Variants in ATXN7 observed in about 807,000 individuals in gnomAD.
ATXN7 encodes the protein ataxin 7.
A neutral mutation model predicts 70.5 loss-of-function variants in ATXN7; 12 were observed. That is an observed-to-expected ratio of 0.17 (90% CI 0.11 to 0.28). The LOEUF (loss-of-function observed/expected upper bound fraction) is 0.28, where lower values mean the gene tolerates loss of function less well. ATXN7 is among the 10% of genes least tolerant of loss of function. ATXN7 has a pLI of 1.00. For missense variants in ATXN7, 1,256 were observed against 1,131.7 expected (o/e 1.11, Z -1.58); for synonymous variants, 498 against 448.7 (o/e 1.11, Z -1.39).
At chr3:63,882,282 G>T (rs1702936412) in intron 1 of ATXN7, among the ~76,000 whole-genome samples, 1 of 152,002 alleles carries the variant, frequency 6.6e-6, no homozygotes, top group Non-Finnish European at 1.5e-5. Context: ...TATCTTGTCA[G>T]CTTGTCGTGC....
chr3:63,884,228 CACACACACACACAT>C (rs1381470886), intron 1 of ATXN7, among the ~76,000 whole-genome samples: 17 of 147,510 alleles, frequency 1.2e-4, no homozygotes, highest in Admixed American at 2.1e-4. Flanking sequence ...CACACACACA[CACACACACACACAT>C]ACTCTCACAC....
At chr3:63,994,157 A>G (rs1178708622) in intron 11 of ATXN7, among the ~76,000 whole-genome samples, 1 of 152,188 alleles carries the variant, frequency 6.6e-6, no homozygotes, top group East Asian at 1.9e-4. Context: ...GGTGACTGTA[A>G]TGTGCAACAG....
At chr3:63,881,528 G>A (rs971903783) in intron 1 of ATXN7, among the ~76,000 whole-genome samples, 6 of 141,602 alleles carry the variant, frequency 4.2e-5, no homozygotes, top group Non-Finnish European at 9.0e-5. Context: ...TCGCTCTGTC[G>A]CCTGGGCTGG....
chr3:63,925,458 C>G lies in ATXN7; in HGVS notation c.394+12233C>G, dbSNP rs551782001. Among the ~76,000 whole-genome samples the G allele has an allele frequency of 2.9e-3, 438 of 152,252 alleles. 1 individual carries two copies. The highest frequency in any genetic ancestry group is 4.7e-3 in the Non-Finnish European group (319 of 68,012). ...ATGGCATTAGATTCTCATAGGAGCA[C>G]AAACTCTGTTGTGAACTGTCCATGC... On this transcript the variant is annotated intron_variant, in intron 4 of 12. Coordinates refer to ENST00000674280, the MANE Select transcript of ATXN7 (RefSeq NM_001377405.1).
intron 2 of ATXN7, among the ~76,000 whole-genome samples, chr3:63,900,293 A>G (rs1489189789): frequency 1.3e-5 from 2 of 152,224 alleles, no homozygotes; most frequent in Non-Finnish European, 2.9e-5. Context: ...GTTTTAGGCA[A>G]CTGTAGCAAA....
intron 5 of ATXN7, among the ~76,000 whole-genome samples, chr3:63,979,010 T>C (rs902938380): frequency 2.0e-5 from 3 of 152,220 alleles, no homozygotes; most frequent in African/African-American, 7.2e-5. Flanking sequence ...TTTAAATTAA[T>C]TAATTAAAGG....
At chr3:63,931,425 G>A (rs1217199412) in intron 4 of ATXN7, among the ~76,000 whole-genome samples, 1 of 152,148 alleles carries the variant, frequency 6.6e-6, no homozygotes, top group African/African-American at 2.4e-5. Flanking sequence ...TGGAATCTAT[G>A]CTTATAGTGT....
intron 12 of ATXN7, among the ~76,000 whole-genome samples, chr3:63,997,170 A>C (rs539121639): frequency 1.3e-5 from 2 of 152,196 alleles, no homozygotes; most frequent in Non-Finnish European, 2.9e-5. Context: ...AGGCAGGAGA[A>C]CTGCTTGAAC....
At chr3:63,868,848 G>A (rs1702512213) in intron 1 of ATXN7, among the ~76,000 whole-genome samples, 1 of 152,142 alleles carries the variant, frequency 6.6e-6, no homozygotes, top group South Asian at 2.1e-4. Flanking sequence ...GACCTTCACA[G>A]GTAACCCAGG....
chr3:63,971,842 G>T (rs1376923472), intron 5 of ATXN7, among the ~76,000 whole-genome samples: 1 of 152,154 alleles, frequency 6.6e-6, no homozygotes, highest in Non-Finnish European at 1.5e-5. Context: ...TCCAAAATAT[G>T]GTTTAGTTGT....
chr3:63,982,623 AGTGTGTGTGTGT>A (rs71099784), intron 7 of ATXN7, among the ~76,000 whole-genome samples, 178 bp downstream of exon 7: 27 of 143,572 alleles, frequency 1.9e-4, no homozygotes, highest in Admixed American at 1.6e-3. Flanking sequence ...AAAGAGCATG[AGTGTGTGTGTGT>A]GTGTGTGTGT....
chr3:63,933,518 G>T (rs1001808248), intron 4 of ATXN7, among the ~76,000 whole-genome samples: 1 of 152,082 alleles, frequency 6.6e-6, no homozygotes, highest in African/African-American at 2.4e-5. Context: ...CTTTCTTCAT[G>T]TACTCTGCAA....
chr3:63,934,439 C>T (rs935622295), intron 4 of ATXN7, among the ~76,000 whole-genome samples: 2 of 152,040 alleles, frequency 1.3e-5, no homozygotes, highest in Non-Finnish European at 2.9e-5. Context: ...AGTCATCCTA[C>T]TTCTTTCCAG....
intron 4 of ATXN7, among the ~76,000 whole-genome samples, chr3:63,923,568 A>G (rs756630347): frequency 9.9e-5 from 15 of 152,142 alleles, no homozygotes; most frequent in Non-Finnish European, 1.9e-4. Flanking sequence ...GCACTTTGGG[A>G]GACTGAGGCG....
chr3:63,930,825 C>T (rs571117266), intron 4 of ATXN7, among the ~76,000 whole-genome samples: 11 of 152,100 alleles, frequency 7.2e-5, no homozygotes, highest in African/African-American at 2.7e-4. Flanking sequence ...CCACCGCACC[C>T]GGCAAGTTTA....
intron 4 of ATXN7, among the ~76,000 whole-genome samples, chr3:63,919,227 T>C (rs1704410373): frequency 6.6e-6 from 1 of 152,238 alleles, no homozygotes; most frequent in Non-Finnish European, 1.5e-5. Flanking sequence ...GGCATTCATT[T>C]ACTTGTCTGT....
chr3:63,863,526 G>T, upstream of ATXN7: 3 of 1,191,940 alleles, frequency 2.5e-6, no homozygotes, highest in South Asian at 1.3e-4. Flanking sequence ...CGCTGCCTCC[G>T]GGAGAGCGGA....
intron 8 of ATXN7, among the ~76,000 whole-genome samples, chr3:63,987,814 T>TG (rs2106779092): frequency 6.6e-6 from 1 of 152,200 alleles, no homozygotes; most frequent in South Asian, 2.1e-4. Flanking sequence ...TCACATATCT[T>TG]TTTTCTTCTG....
At chr3:63,960,516 G>T (rs2075110609) in intron 5 of ATXN7, among the ~76,000 whole-genome samples, 2 of 152,328 alleles carry the variant, frequency 1.3e-5, no homozygotes, top group African/African-American at 4.8e-5. Flanking sequence ...GCTGGATCAG[G>T]AGAGAAAGCT....
Sources: gnomAD v4.1 joint callset for allele counts (sites outside exome capture counted in the v4.1 genomes callset) on GRCh38, gnomAD v4.1.1 for gene constraint, MANE v1.5 for transcripts, NCBI Gene and HGNC (gene_info 2026-07-23, HGNC 2026-07-21) for gene names.